Variants in RASL12 observed in about 807,000 individuals in gnomAD.
RASL12 encodes RAS like family 12, also known as ras-like protein family member 12.
RASL12 carries 16 observed loss-of-function variants against 22.9 expected under a neutral mutation model. The observed-to-expected ratio is 0.70, with a 90% confidence interval of 0.47 to 1.06. RASL12 has a LOEUF of 1.06. Ranked by LOEUF, RASL12 falls within the 50% of genes least tolerant of loss-of-function variation. The pLI, the probability that RASL12 is intolerant of heterozygous loss-of-function variation, is 0.00. For synonymous variants in RASL12, 159 were observed against 152.2 expected (o/e 1.04, Z -0.33); for missense variants, 306 against 353.1 (o/e 0.87, Z 1.07).
chr15:65,076,282 G>A (rs993862749), intron 1 of RASL12, among the ~76,000 whole-genome samples: 1 of 152,158 alleles, frequency 6.6e-6, no homozygotes, highest in Non-Finnish European at 1.5e-5. Flanking sequence ...GCTTTTATGA[G>A]CTGTAACACT....
downstream of RASL12, among the ~76,000 whole-genome samples, chr15:65,048,386 G>A (rs1391272751): frequency 6.6e-6 from 1 of 152,150 alleles, no homozygotes; most frequent in Non-Finnish European, 1.5e-5. Context: ...AAACTCTGAT[G>A]TAAAGCTAGT....
At chr15:65,055,432 G>A (rs143891972) in intron 4 of RASL12, among the ~76,000 whole-genome samples, 158 bp from the exon 5 acceptor site, 1 of 152,328 alleles carries the variant, frequency 6.6e-6, no homozygotes, top group East Asian at 1.9e-4. Context: ...GTGGGTTACT[G>A]CCCTCTGCCT....
intron 3 of RASL12, among the ~76,000 whole-genome samples, chr15:65,059,004 G>C (rs1336811436): frequency 6.6e-6 from 1 of 152,218 alleles, no homozygotes; most frequent in East Asian, 1.9e-4. Flanking sequence ...GGGGAGACTT[G>C]TGTGTGGGAG....
At chr15:65,058,677 C>T in intron 3 of RASL12, 60 bp from the exon 4 acceptor site, 1 of 1,294,076 alleles carries the variant, frequency 7.7e-7, no homozygotes, top group African/African-American at 1.5e-5. Flanking sequence ...AAGGCCTTCA[C>T]CTGAGCCGCC....
upstream of RASL12, chr15:65,068,008 G>T: frequency 5.2e-6 from 6 of 1,147,196 alleles, no homozygotes; most frequent in Non-Finnish European, 6.4e-6. The surrounding 1 kb of genome is among the most constrained non-coding windows in gnomAD (Gnocchi z 4.2). Context: ...CCGCGGGGAG[G>T]AGGGGCCGGT....
rs1253582702 is a variant in RASL12, at chr15:65,055,168, C to T, written c.532G>A (p.Glu178Lys). The T allele has an allele frequency of 5.0e-6, 8 of 1,612,592 alleles. No individual in the cohort carries two copies. The highest frequency in any genetic ancestry group is 4.2e-6 in the Non-Finnish European group (5 of 1,179,780). ...DFEHVQHVFHEAVREARRELE... is the reference protein window; with the variant it reads ...DFEHVQHVFHKAVREARRELE... ...TCCCGCCGTGCCTCTCGCACTGCCTCGTGGAAGACATGCTGCACGTGCTCA... is the reference window on the plus strand; with the variant it reads ...TCCCGCCGTGCCTCTCGCACTGCCTTGTGGAAGACATGCTGCACGTGCTCA... The change falls in exon 5 of 5, where the codon GAG (glutamate) becomes AAG (lysine). Residue 178 changes from glutamate to lysine, a missense_variant. Coordinates refer to ENST00000220062, the MANE Select transcript of RASL12 (RefSeq NM_016563.4).
chr15:65,053,025 C>G, downstream of RASL12: 1 of 1,613,892 alleles, frequency 6.2e-7, no homozygotes, highest in Non-Finnish European at 8.5e-7. Flanking sequence ...TTGGATGAGG[C>G]CAAGGATCAC....
chr15:65,052,825 T>A, downstream of RASL12: 1 of 688,828 alleles, frequency 1.5e-6, no homozygotes, highest in South Asian at 1.9e-5. Context: ...TGAAGGAATA[T>A]CCAACCATTG....
At chr15:65,068,005 G>A (rs2086901809), upstream of RASL12, 4 of 1,149,848 alleles carry the variant, frequency 3.5e-6, no homozygotes, top group Non-Finnish European at 4.3e-6. The surrounding 1 kb of genome is among the most constrained non-coding windows in gnomAD (Gnocchi z 4.2). Context: ...ACCCCGCGGG[G>A]AGGAGGGGCC....
chr15:65,067,692 A>G, intron 1 of RASL12, 41 bp downstream of exon 1: 2 of 1,515,204 alleles, frequency 1.3e-6, no homozygotes, highest in South Asian at 2.4e-5. Context: ...ACCCACGCCC[A>G]GCTCCGCACT....
chr15:65,070,802 G>A (rs1016043837), upstream of RASL12, among the ~76,000 whole-genome samples: 1 of 152,182 alleles, frequency 6.6e-6, no homozygotes, highest in African/African-American at 2.4e-5. Context: ...AACCACTTCT[G>A]TGGTTGTCGA....
chr15:65,075,807 G>C (rs1391867211), intron 1 of RASL12, among the ~76,000 whole-genome samples: 1 of 151,928 alleles, frequency 6.6e-6, no homozygotes, highest in Non-Finnish European at 1.5e-5. Context: ...TCTGTATCTA[G>C]CTGCTCTGGT....
chr15:65,054,955 G>C lies in RASL12; in HGVS notation c.745C>G (p.Gln249Glu). The change falls in exon 5 of 5, where the codon CAG (glutamine) becomes GAG (glutamate). Residue 249 changes from glutamine (Q) to glutamate (E), a missense_variant. Gln to Glu is a conservative substitution (Grantham distance 29, BLOSUM62 2). Coordinates refer to ENST00000220062, the MANE Select transcript of RASL12 (RefSeq NM_016563.4). Reference sequence around the variant, plus strand: ...AGGGTAGGCGCCTTGCGCTTGCTCTGGGCCCGGGATGACTTCACGGTGACC... The same window carrying C: ...AGGGTAGGCGCCTTGCGCTTGCTCTCGGCCCGGGATGACTTCACGGTGACC... Reference protein sequence around the residue: ...KLVTVKSSRAQSKRKAPTLTL... With the variant: ...KLVTVKSSRAESKRKAPTLTL... 1 of 1,614,172 alleles carries C rather than the reference G, an allele frequency of 6.2e-7. No homozygotes were observed. Among genetic ancestry groups the C allele is most frequent in the East Asian group, 2.2e-5 (1 of 44,880 alleles).
intron 1 of RASL12, among the ~76,000 whole-genome samples, chr15:65,074,890 G>A (rs895162913): frequency 1.3e-5 from 2 of 152,222 alleles, no homozygotes; most frequent in East Asian, 1.9e-4. Context: ...GCTTGCTCTC[G>A]GCACCTCCTC....
At chr15:65,049,721 TAAATATTTGAGTCACTCCC>T (rs2086624853), downstream of RASL12, 1 of 276,510 alleles carries the variant, frequency 3.6e-6, no homozygotes, top group Non-Finnish European at 6.9e-6. Flanking sequence ...TGGCTTTTAA[TAAATATTTGAGTCACTCCC>T]ACTTCCAGTC....
intron 3 of RASL12, among the ~76,000 whole-genome samples, chr15:65,059,042 G>C (rs962941855): frequency 6.6e-6 from 1 of 152,222 alleles, no homozygotes; most frequent in African/African-American, 2.4e-5. Flanking sequence ...CTCTCACCAG[G>C]AGCATCTGTG....
chr15:65,058,352 C>G, intron 4 of RASL12, 75 bp downstream of exon 4: 2 of 1,247,326 alleles, frequency 1.6e-6, no homozygotes, highest in Admixed American at 5.8e-5. Context: ...GCCCACTAAT[C>G]CCTCAAGATG....
At chr15:65,063,293 C>T (rs1028856811) in intron 2 of RASL12, among the ~76,000 whole-genome samples, 13 of 152,264 alleles carry the variant, frequency 8.5e-5, no homozygotes, top group African/African-American at 2.9e-4. Flanking sequence ...GAGTCCCTGC[C>T]CTTGGGAATT....
intron 1 of RASL12, 115 bp downstream of exon 1, chr15:65,067,618 G>T: frequency 7.9e-7 from 1 of 1,266,580 alleles, no homozygotes; most frequent in Non-Finnish European, 1.0e-6. Context: ...ACCCTCCTGG[G>T]TGAAGGAAGC....
Sources: gnomAD v4.1 joint callset for allele counts (sites outside exome capture counted in the v4.1 genomes callset) on GRCh38, gnomAD v4.1.1 for gene constraint, Gnocchi (gnomAD v3.1) non-coding constraint, MANE v1.5 for transcripts, NCBI Gene and HGNC (gene_info 2026-07-23, HGNC 2026-07-21) for gene names.